The following LRP1B variants were observed in gnomAD, a reference collection of about 807,000 sequenced individuals.
The protein encoded by LRP1B is LDL receptor related protein 1B.
LRP1B carries 217 observed loss-of-function variants against 556.6 expected under a neutral mutation model. The observed-to-expected ratio is 0.39, with a 90% confidence interval of 0.35 to 0.44. LRP1B has a LOEUF of 0.44. LRP1B is among the 20% of genes least tolerant of loss of function. LRP1B has a pLI of 1.00. For missense variants in LRP1B, 5,053 were observed against 5,620.8 expected, an observed-to-expected ratio of 0.90 and a Z score of 3.23; for synonymous variants, 2,047 against 1,865.8, an observed-to-expected ratio of 1.10 and a Z score of -2.50.
intron 20 of LRP1B, among the ~76,000 whole-genome samples, chr2:140,933,872 C>A (rs531959873): frequency 6.6e-6 from 1 of 152,030 alleles, no homozygotes; most frequent in African/African-American, 2.4e-5. Context: ...GATTCAAAAG[C>A]CTTGAGTTGT....
intron 3 of LRP1B, among the ~76,000 whole-genome samples, chr2:141,463,580 A>AATATGTATTATATATTATTATAT (rs1682015869): frequency 1.8e-5 from 1 of 56,442 alleles, no homozygotes; most frequent in South Asian, 5.1e-4. Flanking sequence ...TATTATATAT[A>AATATGTATTATATATTATTATAT]ATTATATATA....
At chr2:141,316,631 A>G (rs1235868136) in intron 3 of LRP1B, among the ~76,000 whole-genome samples, 3 of 152,200 alleles carry the variant, frequency 2.0e-5, no homozygotes, top group Non-Finnish European at 4.4e-5. Context: ...TGCCACATAT[A>G]TGTCAAAAGA....
intron 32 of LRP1B, among the ~76,000 whole-genome samples, chr2:140,812,446 CCTT>C (rs1200139448): frequency 6.6e-6 from 1 of 151,994 alleles, no homozygotes; most frequent in Non-Finnish European, 1.5e-5. Context: ...ACCTTGTTCA[CCTT>C]CATCTAGATA....
At chr2:141,367,027 G>A (rs1689065821) in intron 3 of LRP1B, among the ~76,000 whole-genome samples, 1 of 152,162 alleles carries the variant, frequency 6.6e-6, no homozygotes, top group Admixed American at 6.5e-5. Context: ...ATGTGATTAT[G>A]GACTTGCCTG....
chr2:141,190,268 T>C (rs1681450090), intron 6 of LRP1B, among the ~76,000 whole-genome samples: 2 of 152,146 alleles, frequency 1.3e-5, no homozygotes, highest in Admixed American at 6.6e-5. Context: ...TGAGTATGCA[T>C]GTAATAAATT....
intron 2 of LRP1B, among the ~76,000 whole-genome samples, chr2:141,647,576 C>T (rs1177888132): frequency 4.6e-5 from 7 of 152,128 alleles, no homozygotes; most frequent in African/African-American, 1.4e-4. Flanking sequence ...AACTATGACC[C>T]TCAACTTCTA....
intron 41 of LRP1B, among the ~76,000 whole-genome samples, chr2:140,641,619 G>T (rs1423230956): frequency 1.3e-5 from 2 of 152,258 alleles, no homozygotes; most frequent in South Asian, 2.1e-4. Flanking sequence ...TGCTCTGTGA[G>T]GGAAGGCACC....
At chr2:141,091,435 C>T (rs1700169571) in intron 7 of LRP1B, among the ~76,000 whole-genome samples, 1 of 152,196 alleles carries the variant, frequency 6.6e-6, no homozygotes, top group Non-Finnish European at 1.5e-5. Context: ...AAAAACATTG[C>T]TTCCCGGCTG....
rs138117011 is a variant in LRP1B at position 140,413,775 on chromosome 2, C to T, written c.10415-27766G>A. ...GATGTTGGCACATAATTAAGTTGGT[C>T]CTTTTCAGAAAGTTTGCAAGGCTGT... On this transcript the variant is annotated intron_variant, in intron 66 of 90. Coordinates refer to ENST00000389484, the MANE Select transcript of LRP1B (RefSeq NM_018557.3). Among the ~76,000 whole-genome samples, 390 of 152,134 alleles carry T rather than the reference C, an allele frequency of 2.6e-3. 2 individuals are homozygous for T. Among genetic ancestry groups the T allele is most frequent in the African/African-American group, 8.9e-3 (369 of 41,506 alleles).
intron 7 of LRP1B, among the ~76,000 whole-genome samples, chr2:141,186,846 A>T (rs961610868): frequency 1.3e-5 from 2 of 152,080 alleles, no homozygotes; most frequent in African/African-American, 4.8e-5. Context: ...CATATATTTC[A>T]GATTGGCAGT....
intron 3 of LRP1B, among the ~76,000 whole-genome samples, chr2:141,427,785 C>A (rs908653376): frequency 3.3e-5 from 5 of 151,920 alleles, no homozygotes; most frequent in Non-Finnish European, 7.4e-5. Flanking sequence ...AAATAAATGG[C>A]TGAAATAAGA....
At chr2:141,293,814 T>C (rs1686075866) in intron 3 of LRP1B, among the ~76,000 whole-genome samples, 1 of 152,130 alleles carries the variant, frequency 6.6e-6, no homozygotes, top group Non-Finnish European at 1.5e-5. Context: ...AAATATAAAA[T>C]ATGGAACATG....
In LRP1B at chr2:141,673,938, C is replaced by T. The variant is rs561076271; in HGVS notation, c.205+136341G>A. 4.6e-5 allele frequency among the ~76,000 whole-genome samples: 7 copies of T among 151,824 alleles called. No individual in the cohort carries two copies. The South Asian group carries it at 1.2e-3, about 27-fold the overall frequency. On this transcript the variant is annotated intron_variant, in intron 2 of 90. Coordinates refer to ENST00000389484, the MANE Select transcript of LRP1B (RefSeq NM_018557.3). ...GAGAGCTGCAAATTTAAAAATAATA[C>T]CCTTAATCCCTCCTCTAACTGTGAT...
chr2:141,318,284 A>T (rs927694572), intron 3 of LRP1B, among the ~76,000 whole-genome samples: 9 of 152,178 alleles, frequency 5.9e-5, no homozygotes, highest in African/African-American at 2.2e-4. Context: ...TATGGATACA[A>T]ACATACACAA....
At chr2:141,597,727 C>T (rs1386326568) in intron 2 of LRP1B, among the ~76,000 whole-genome samples, 2 of 151,920 alleles carry the variant, frequency 1.3e-5, no homozygotes, top group Admixed American at 1.3e-4. Context: ...CTCACAGCCT[C>T]TTATTTTTAC....
rs765480323 is a variant in LRP1B at position 140,492,707 on chromosome 2, C to A, written c.9035-14G>T. The stretch of plus-strand genomic sequence containing the variant: ...AAGGTTCTTCATCTAAACACCAACA[C>A]AAATAACATATTAGACTTTAAGTAT... On this transcript the variant is annotated splice_polypyrimidine_tract_variant and intron_variant, in intron 56 of 90. Coordinates refer to ENST00000389484, the MANE Select transcript of LRP1B (RefSeq NM_018557.3). 2.1e-5 allele frequency: 32 copies of A among 1,547,124 alleles called. No individual in the cohort carries two copies. Among genetic ancestry groups the A allele is most frequent in the Non-Finnish European group, 2.8e-5 (31 of 1,119,348 alleles).
intron 1 of LRP1B, among the ~76,000 whole-genome samples, chr2:141,939,908 T>C (rs931451884): frequency 9.9e-5 from 15 of 152,140 alleles, no homozygotes; most frequent in Non-Finnish European, 1.8e-4. Context: ...CTGAGACAAA[T>C]GGACAAGCTT....
chr2:140,251,493 A>G (rs1186528766), intron 86 of LRP1B, among the ~76,000 whole-genome samples: 3 of 151,998 alleles, frequency 2.0e-5, no homozygotes, highest in South Asian at 2.1e-4. Context: ...AATGAGATTA[A>G]TATCTGCTCT....
intron 7 of LRP1B, among the ~76,000 whole-genome samples, chr2:141,097,487 T>C (rs1274158675): frequency 2.0e-5 from 3 of 151,940 alleles, no homozygotes; most frequent in Non-Finnish European, 4.4e-5. Flanking sequence ...AAGAACAAAG[T>C]TGGGGTAAAG....
Sources: gnomAD v4.1 joint callset for allele counts (sites outside exome capture counted in the v4.1 genomes callset) on GRCh38, gnomAD v4.1.1 for gene constraint, MANE v1.5 for transcripts, NCBI Gene and HGNC (gene_info 2026-07-23, HGNC 2026-07-21) for gene names.